Variants in GLCE observed in about 807,000 individuals in gnomAD.
GLCE encodes D-glucuronyl C5-epimerase.
Under a neutral mutation model 47.9 loss-of-function variants are expected in GLCE, and 19 were observed. The observed-to-expected ratio is 0.40, with a 90% CI of 0.28 to 0.58. The LOEUF (loss-of-function observed/expected upper bound fraction) is 0.58, where lower values mean the gene tolerates loss of function less well. GLCE is among the 20% of genes least tolerant of loss of function. GLCE has a pLI of 0.48. For missense variants in GLCE, 556 were observed against 743.3 expected, an observed-to-expected ratio of 0.75 and a Z score of 2.93; for synonymous variants, 245 against 263.4, an observed-to-expected ratio of 0.93 and a Z score of 0.68.
chr15:69,242,786 T>TTGGGCATGAGCTAA (rs2052689660), intron 2 of GLCE, among the ~76,000 whole-genome samples: 4 of 152,096 alleles, frequency 2.6e-5, no homozygotes, highest in Non-Finnish European at 5.9e-5. Context: ...AGCTCATGCC[T>TTGGGCATGAGCTAA]GTAATCCCAG....
At chr15:69,229,074 C>T (rs1018180486) in intron 2 of GLCE, among the ~76,000 whole-genome samples, 1 of 152,012 alleles carries the variant, frequency 6.6e-6, no homozygotes, top group South Asian at 2.1e-4. Context: ...AAATGCTAAT[C>T]AAAGGAAAGC....
chr15:69,199,110 A>G (rs950564888), intron 1 of GLCE, among the ~76,000 whole-genome samples: 1 of 152,194 alleles, frequency 6.6e-6, no homozygotes, highest in Non-Finnish European at 1.5e-5. Context: ...GACTGTATAC[A>G]GAATAACTTG....
At chr15:69,247,212 G>T (rs2052764274) in intron 2 of GLCE, among the ~76,000 whole-genome samples, 1 of 152,206 alleles carries the variant, frequency 6.6e-6, no homozygotes, top group South Asian at 2.1e-4. Context: ...AATCTGTTTA[G>T]TGTGGCTGCT....
At chr15:69,233,921 A>T (rs1279972481) in intron 2 of GLCE, among the ~76,000 whole-genome samples, 1 of 151,946 alleles carries the variant, frequency 6.6e-6, no homozygotes, top group Non-Finnish European at 1.5e-5. Context: ...AAACTCATAC[A>T]TACATACATA....
At chr15:69,172,574 G>T (rs1447143803) in intron 1 of GLCE, among the ~76,000 whole-genome samples, 1 of 148,448 alleles carries the variant, frequency 6.7e-6, no homozygotes, top group Non-Finnish European at 1.5e-5. Context: ...GTCCCTCAAG[G>T]TTATACATAT....
At chr15:69,183,548 A>G (rs1470038990) in intron 1 of GLCE, among the ~76,000 whole-genome samples, 1 of 152,250 alleles carries the variant, frequency 6.6e-6, no homozygotes, top group Non-Finnish European at 1.5e-5. Flanking sequence ...GCCATAACTC[A>G]TACCCTATAG....
chr15:69,215,290 C>G (rs1350375994), intron 2 of GLCE, among the ~76,000 whole-genome samples: 1 of 152,068 alleles, frequency 6.6e-6, no homozygotes, highest in Non-Finnish European at 1.5e-5. Flanking sequence ...TAGTTATTAG[C>G]CTTTTCCAGA....
intron 1 of GLCE, among the ~76,000 whole-genome samples, chr15:69,170,116 A>G (rs1327536861): frequency 3.9e-5 from 6 of 152,222 alleles, no homozygotes; most frequent in Non-Finnish European, 7.3e-5. Flanking sequence ...ATTGCTTTCT[A>G]GAAAGTTGCT....
chr15:69,265,256 A>T (rs1451041005), intron 4 of GLCE, among the ~76,000 whole-genome samples: 1 of 147,834 alleles, frequency 6.8e-6, no homozygotes, highest in Non-Finnish European at 1.5e-5. Flanking sequence ...TTCAAACAAT[A>T]AAAAAAAAAC....
intron 1 of GLCE, among the ~76,000 whole-genome samples, chr15:69,184,759 C>T (rs937919270): frequency 3.9e-5 from 6 of 152,224 alleles, no homozygotes; most frequent in African/African-American, 1.4e-4. Flanking sequence ...TTCCACTCTG[C>T]TGTCCACAGT....
At chr15:69,201,385 A>G (rs1371772463) in intron 1 of GLCE, among the ~76,000 whole-genome samples, 1 of 151,980 alleles carries the variant, frequency 6.6e-6, no homozygotes, top group African/African-American at 2.4e-5. Context: ...AATTTTTTTT[A>G]GTGCTTGCTG....
At chr15:69,196,149 T>C (rs2051986957) in intron 1 of GLCE, among the ~76,000 whole-genome samples, 1 of 152,054 alleles carries the variant, frequency 6.6e-6, no homozygotes, top group South Asian at 2.1e-4. Context: ...TGTTCTAAGG[T>C]ATAGCAAGGG....
In GLCE at chr15:69,261,002, C is replaced by T. The variant is rs2053005379; in HGVS notation, c.587-85C>T. The T allele has an allele frequency of 1.5e-5, 19 of 1,287,858 alleles. No homozygotes were observed. The South Asian group carries it at 2.1e-4, about 14-fold the overall frequency. 79.8% of individuals were successfully genotyped at this position (1,287,858 alleles called of 1,614,324 possible). On this transcript the variant is annotated intron_variant, in intron 3 of 4. Transcript: ENST00000261858. The stretch of plus-strand genomic sequence containing the variant: ...TTCCTGATAACCCTGTAAGATCCCC[C>T]AGAAGTAAATCAGTGAGGAATGGTA...
At chr15:69,228,153 A>G (rs1415674056) in intron 2 of GLCE, among the ~76,000 whole-genome samples, 1 of 152,100 alleles carries the variant, frequency 6.6e-6, no homozygotes, top group Non-Finnish European at 1.5e-5. Flanking sequence ...TAACATTTTT[A>G]TTTTCTATGT....
chr15:69,226,375 A>T (rs115202879), intron 2 of GLCE, among the ~76,000 whole-genome samples: 308 of 152,348 alleles, frequency 2.0e-3, no homozygotes, highest in African/African-American at 7.0e-3. Context: ...ATTTTTATAA[A>T]GATCTGATAA....
At chr15:69,246,854 G>T (rs565107383) in intron 2 of GLCE, among the ~76,000 whole-genome samples, 4 of 152,316 alleles carry the variant, frequency 2.6e-5, no homozygotes, top group African/African-American at 9.6e-5. Flanking sequence ...GTGACCAGCT[G>T]CATGTCAATG....
chr15:69,168,536 CTT>C lies in GLCE; in HGVS notation c.-105+7792_-105+7793del, dbSNP rs11288270. Among the ~76,000 whole-genome samples, 1,017 of 142,234 alleles carry C rather than the reference CTT, an allele frequency of 7.2e-3. 6 individuals are homozygous for C. The highest frequency in any genetic ancestry group is 0.02 in the African/African-American group (768 of 38,976). The allele number at this position is 142,234 out of a possible 152,430, so 93.3% of individuals were successfully genotyped here. A position where few individuals can be genotyped will look rare whatever the true frequency, so the allele number is the denominator to read the frequency against. On this transcript the variant is annotated intron_variant, in intron 1 of 4. Transcript: ENST00000261858. The stretch of plus-strand genomic sequence containing the variant: ...GAGGAACTTTCCATTCCATCTATTC[CTT>C]TTTTTTTTTTTTGAGACGGAGTTTC...
At chr15:69,234,021 A>T (rs1412733214) in intron 2 of GLCE, among the ~76,000 whole-genome samples, 1 of 150,842 alleles carries the variant, frequency 6.6e-6, no homozygotes, top group Non-Finnish European at 1.5e-5. Flanking sequence ...CTTGTTGCCC[A>T]GGCTGGAGTG....
chr15:69,175,692 A>G (rs1566947158), intron 1 of GLCE, among the ~76,000 whole-genome samples: 1 of 152,188 alleles, frequency 6.6e-6, no homozygotes, highest in Non-Finnish European at 1.5e-5. Flanking sequence ...TAGCATTGTC[A>G]TATTTTGTTT....
Sources: allele counts gnomAD v4.1 joint callset (sites outside exome capture counted in the v4.1 genomes callset), GRCh38; gene constraint gnomAD v4.1.1; transcripts MANE v1.5; gene names NCBI Gene and HGNC (gene_info 2026-07-23, HGNC 2026-07-21).